The following GSE1 variants were observed in gnomAD, a reference collection of about 807,000 sequenced individuals.
GSE1 encodes the protein Gse1 coiled-coil protein, also known as genetic suppressor element 1.
Under a neutral mutation model 112.6 loss-of-function variants are expected in GSE1, and 32 were observed. The ratio of observed to expected loss-of-function variants is 0.28; its 90% CI spans 0.21 to 0.38. The LOEUF is 0.38. GSE1 is among the 10% of genes least tolerant of loss of function. The probability of loss-of-function intolerance (pLI) is 1.00; values close to 1 mark genes in which losing one functional copy is unlikely to be tolerated. For missense variants in GSE1, 2,348 were observed against 1,699.2 expected (o/e 1.38, Z -6.71); for synonymous variants, 1,115 against 735.6 (o/e 1.52, Z -8.35).
intron 2 of GSE1, among the ~76,000 whole-genome samples, chr16:85,523,561 C>A (rs1314212490): frequency 6.6e-6 from 1 of 152,130 alleles, no homozygotes; most frequent in Non-Finnish European, 1.5e-5. Flanking sequence ...GCTAAGGAAC[C>A]CCTGGGAGCC....
chr16:85,654,379 G>A lies in GSE1; in HGVS notation c.528G>A (p.Leu176=). ...GGGGACCAGCCATCCCCTCGCACCT[G>A]CTCAGCACCCCCTACCCCTTCGGCC... ...KAGGPAIPSH[L]LSTPYPFGLS... The change falls in exon 4 of 16, where the codon CTG becomes CTA. Residue 176 remains leucine (L), a synonymous_variant. Coordinates refer to ENST00000253458, the MANE Select transcript of GSE1 (RefSeq NM_014615.5). 1.9e-6 allele frequency: 3 copies of A among 1,611,824 alleles called. No individual in the cohort carries two copies. Among genetic ancestry groups the A allele is most frequent in the East Asian group, 2.2e-5 (1 of 44,866 alleles).
At chr16:85,504,435 C>T (rs529455170) in intron 2 of GSE1, among the ~76,000 whole-genome samples, 3 of 152,322 alleles carry the variant, frequency 2.0e-5, no homozygotes, top group East Asian at 1.9e-4. Flanking sequence ...GCCCGCAGAG[C>T]GGTGACAGGG....
chr16:85,565,330 G>C (rs759434591), intron 1 of GSE1, among the ~76,000 whole-genome samples: 3 of 151,642 alleles, frequency 2.0e-5, no homozygotes, highest in Non-Finnish European at 4.4e-5. Context: ...AGCGGAGGTT[G>C]CAGTGAGACG....
chr16:85,400,191 C>T (rs2048064434), intron 2 of GSE1, among the ~76,000 whole-genome samples: 1 of 152,230 alleles, frequency 6.6e-6, no homozygotes, highest in Non-Finnish European at 1.5e-5. Context: ...CACAGGCCCT[C>T]CCCTCCCTGC....
At chr16:85,534,887 C>T (rs1211012470) in intron 2 of GSE1, among the ~76,000 whole-genome samples, 1 of 152,220 alleles carries the variant, frequency 6.6e-6, no homozygotes, top group Non-Finnish European at 1.5e-5. Flanking sequence ...TTTGTTGGTC[C>T]AGTCTTTTGC....
upstream of GSE1, among the ~76,000 whole-genome samples, chr16:85,552,015 A>G (rs1444580679): frequency 6.7e-6 from 1 of 150,332 alleles, no homozygotes; most frequent in Non-Finnish European, 1.5e-5. Flanking sequence ...CGTGCACTCA[A>G]TTTCTTTCTT....
chr16:85,173,325 G>GT (rs1432537771), intron 1 of GSE1, among the ~76,000 whole-genome samples: 1 of 152,224 alleles, frequency 6.6e-6, no homozygotes, highest in Non-Finnish European at 1.5e-5. Flanking sequence ...CTCTTGCTAA[G>GT]TACCTGTGAG....
At chr16:85,603,343 G>A (rs7203757) in intron 1 of GSE1, among the ~76,000 whole-genome samples, 12,461 of 152,188 alleles carry the variant, frequency 0.082, 1,565 homozygotes, top group African/African-American at 0.27. Flanking sequence ...GACTGGCTTC[G>A]CTCGTGACTC....
intron 1 of GSE1, among the ~76,000 whole-genome samples, chr16:85,260,190 C>T (rs1415584052): frequency 1.3e-5 from 2 of 152,212 alleles, no homozygotes; most frequent in Non-Finnish European, 2.9e-5. Flanking sequence ...ACTGCCCTCC[C>T]ATGGTACCTG....
chr16:85,497,749 T>C (rs1004773829), intron 2 of GSE1, among the ~76,000 whole-genome samples: 1 of 152,148 alleles, frequency 6.6e-6, no homozygotes, highest in African/African-American at 2.4e-5. Flanking sequence ...CAACCAGCAC[T>C]TTCTTCAAGG....
At chr16:85,467,041 C>T (rs1266752305) in intron 2 of GSE1, among the ~76,000 whole-genome samples, 1 of 152,240 alleles carries the variant, frequency 6.6e-6, no homozygotes, top group Non-Finnish European at 1.5e-5. Flanking sequence ...GCCTGGGCGA[C>T]TCCATCTTAA....
intron 2 of GSE1, among the ~76,000 whole-genome samples, chr16:85,526,051 G>A (rs1259463545): frequency 2.0e-5 from 3 of 152,206 alleles, no homozygotes; most frequent in Non-Finnish European, 4.4e-5. Context: ...CCTGTCCCCT[G>A]GCTCATGGCT....
At chr16:85,234,663 G>A (rs1359424438) in intron 1 of GSE1, among the ~76,000 whole-genome samples, 1 of 152,194 alleles carries the variant, frequency 6.6e-6, no homozygotes, top group Non-Finnish European at 1.5e-5. Context: ...GGCCCAGGAG[G>A]GCAGATCTCA....
At chr16:85,436,460 G>A (rs2049249030) in intron 2 of GSE1, among the ~76,000 whole-genome samples, 1 of 152,226 alleles carries the variant, frequency 6.6e-6, no homozygotes, top group African/African-American at 2.4e-5. Context: ...CCTCTCCCTG[G>A]TTGATCTTTC....
At chr16:85,238,961 G>A (rs557158813) in intron 1 of GSE1, among the ~76,000 whole-genome samples, 14 of 152,072 alleles carry the variant, frequency 9.2e-5, no homozygotes, top group African/African-American at 2.7e-4. Context: ...ATGGAGCCTC[G>A]TTCTTGCTCA....
chr16:85,203,828 C>T (rs2075070763), intron 1 of GSE1, among the ~76,000 whole-genome samples: 1 of 152,222 alleles, frequency 6.6e-6, no homozygotes, highest in Admixed American at 6.5e-5. Context: ...GCCTCAGCCT[C>T]CTGGGCTCAG....
At chr16:85,294,673 C>A (rs546387698) in intron 1 of GSE1, among the ~76,000 whole-genome samples, 3 of 143,848 alleles carry the variant, frequency 2.1e-5, no homozygotes, top group African/African-American at 7.9e-5. Flanking sequence ...CTCTCTCTCC[C>A]CCCCCTTCCC....
intron 1 of GSE1, among the ~76,000 whole-genome samples, chr16:85,270,746 C>T (rs1002437216): frequency 1.3e-5 from 2 of 151,872 alleles, no homozygotes; most frequent in Non-Finnish European, 2.9e-5. Context: ...GAGAGAATGT[C>T]GCCCTGGGTG....
intron 1 of GSE1, among the ~76,000 whole-genome samples, chr16:85,240,544 G>A (rs544882533): frequency 3.3e-5 from 5 of 152,264 alleles, no homozygotes; most frequent in East Asian, 1.9e-4. Context: ...GCGAGGGGCC[G>A]GTCACTGAGG....
Sources: gnomAD v4.1 joint callset for allele counts (sites outside exome capture counted in the v4.1 genomes callset) on GRCh38, gnomAD v4.1.1 for gene constraint, MANE v1.5 for transcripts, NCBI Gene and HGNC (gene_info 2026-07-23, HGNC 2026-07-21) for gene names.